Variants in SANBR observed in about 807,000 individuals in gnomAD.
SANBR encodes SANT and BTB domain regulator of CSR.
SANBR carries 77 observed loss-of-function variants against 101.8 expected under a neutral mutation model. The observed-to-expected ratio is 0.76, with a 90% CI of 0.63 to 0.91. The LOEUF is 0.91. Among genes scored for constraint, SANBR ranks in the 40% least tolerant of loss-of-function variants. The probability of loss-of-function intolerance (pLI) is 0.00; values close to 1 mark genes in which losing one functional copy is unlikely to be tolerated. For missense variants in SANBR, 875 were observed against 853.0 expected, an observed-to-expected ratio of 1.03 and a Z score of -0.32; for synonymous variants, 279 against 274.7, an observed-to-expected ratio of 1.02 and a Z score of -0.15.
At position 61,123,829 on chromosome 2, in the gene SANBR, C is replaced by T. The variant is rs1428089812; in HGVS notation, c.*1667C>T. On this transcript the variant is annotated 3_prime_UTR_variant, in exon 22 of 22. Transcript: ENST00000402291. ...GCTTTTGGCCAGGTGTAGTGGCTCA[C>T]GCCAGTAATCCCAGCACTTTGGGAG... The T allele has an allele frequency of 5.1e-6, 5 of 977,706 alleles. No homozygotes were observed. Among genetic ancestry groups the T allele is most frequent in the Middle Eastern group, 5.2e-4 (1 of 1,934 alleles). The allele number at this position is 977,706 out of a possible 1,614,324, so 60.6% of individuals were successfully genotyped here.
chr2:61,081,024 G>C (rs922295441), intron 6 of SANBR, among the ~76,000 whole-genome samples: 2 of 151,996 alleles, frequency 1.3e-5, no homozygotes, highest in African/African-American at 4.8e-5. Flanking sequence ...TTATCTTTCA[G>C]AATCTTTTAA....
At chr2:61,075,429 A>T (rs1157491721) in intron 5 of SANBR, among the ~76,000 whole-genome samples, 2 of 151,280 alleles carry the variant, frequency 1.3e-5, no homozygotes, top group Non-Finnish European at 3.0e-5. Flanking sequence ...GCTAATTTTT[A>T]AAATTTTTCT....
At position 61,122,379 on chromosome 2, in the gene SANBR, T is replaced by C. The variant is rs1416863209; in HGVS notation, c.*217T>C. The C allele has an allele frequency of 1.6e-6, 2 of 1,256,900 alleles. No homozygotes were observed. Among genetic ancestry groups the C allele is most frequent in the Admixed American group, 3.5e-5 (1 of 28,250 alleles). The allele number at this position is 1,256,900 out of a possible 1,614,324, so 77.9% of individuals were successfully genotyped here. A position where few individuals can be genotyped will look rare whatever the true frequency, so the allele number is the denominator to read the frequency against. ...TTTTAAATCTGATTTTCTTCTAATA[T>C]CATTCTAGGCTATGTAGAAAGCAAT... On this transcript the variant is annotated 3_prime_UTR_variant, in exon 22 of 22. Coordinates refer to ENST00000402291, the MANE Select transcript of SANBR (RefSeq NM_001129993.3).
intron 20 of SANBR, among the ~76,000 whole-genome samples, chr2:61,130,929 CAAAAAAAAA>C (rs59171411): frequency 1.3e-3 from 17 of 13,220 alleles, no homozygotes; most frequent in East Asian, 3.5e-3. Flanking sequence ...GACTCTGTCT[CAAAAAAAAA>C]AAAAAAAAAA....
intron 21 of SANBR, among the ~76,000 whole-genome samples, chr2:61,136,628 C>CA (rs879360258): frequency 0.038 from 4,441 of 115,436 alleles, 204 homozygotes; most frequent in African/African-American, 0.12. Flanking sequence ...GACTATGTCT[C>CA]AAAAAAAAAA....
intron 21 of SANBR, among the ~76,000 whole-genome samples, chr2:61,135,771 A>G (rs1333322861): frequency 1.3e-5 from 2 of 152,214 alleles, no homozygotes; most frequent in Non-Finnish European, 2.9e-5. Context: ...AATAGCTGAT[A>G]AGAGAAATTA....
rs35192103 is a variant in SANBR, at chr2:61,108,668, CT to C, written c.1644+331del. Among the ~76,000 whole-genome samples the C allele has an allele frequency of 1.2e-3, 180 of 145,524 alleles. 1 individual carries two copies. Among genetic ancestry groups the C allele is most frequent in the Middle Eastern group, 3.5e-3 (1 of 282 alleles). On this transcript the variant is annotated intron_variant, in intron 15 of 21. Coordinates refer to ENST00000402291, the MANE Select transcript of SANBR (RefSeq NM_001129993.3). Reference sequence around the variant, plus strand: ...TTTGATTGTTTGAGTGAAGGGTTGGCTTTTTTTTTTTTACCTGTTTGCCAGT... The same window carrying C: ...TTTGATTGTTTGAGTGAAGGGTTGGCTTTTTTTTTTTACCTGTTTGCCAGT...
At chr2:61,071,497 C>G in intron 3 of SANBR, 109 bp from the exon 4 acceptor site, 2 of 578,600 alleles carry the variant, frequency 3.5e-6, no homozygotes, top group Non-Finnish European at 5.5e-6. Flanking sequence ...TTGCAGTGAG[C>G]CAAGATCACA....
intron 16 of SANBR, among the ~76,000 whole-genome samples, chr2:61,115,586 A>G (rs1684039227): frequency 6.6e-6 from 1 of 152,162 alleles, no homozygotes. Flanking sequence ...CTGTAAGGAA[A>G]AATACACAGA....
At chr2:61,070,142 C>T (rs550882361) in intron 2 of SANBR, among the ~76,000 whole-genome samples, 200 bp from the exon 3 acceptor site, 183 of 152,286 alleles carry the variant, frequency 1.2e-3, no homozygotes, top group African/African-American at 4.3e-3. Context: ...TCTTTTTATA[C>T]ATCCATTTAT....
intron 16 of SANBR, 150 bp downstream of exon 16, chr2:61,109,446 C>T: frequency 2.3e-6 from 1 of 439,432 alleles, no homozygotes; most frequent in Non-Finnish European, 4.1e-6. Context: ...TCAAGATTTC[C>T]TAACCCGGGC....
rs778854995 is a variant in SANBR at position 61,122,113 on chromosome 2, T to G, written c.2121-13T>G. ...AAGCAATTCTGACCTCCTTTTCTGT[T>G]TAAAAAATCTAGGTCTAAAAGTCGT... On this transcript the variant is annotated splice_polypyrimidine_tract_variant and intron_variant, in intron 21 of 21. Coordinates refer to ENST00000402291, the MANE Select transcript of SANBR (RefSeq NM_001129993.3). 38 of 1,549,854 alleles carry G rather than the reference T, an allele frequency of 2.5e-5. No individual in the cohort carries two copies. The highest frequency in any genetic ancestry group is 3.2e-5 in the Non-Finnish European group (37 of 1,145,948).
intron 1 of SANBR, among the ~76,000 whole-genome samples, chr2:61,067,076 T>A (rs1286763976): frequency 6.6e-6 from 1 of 152,212 alleles, no homozygotes; most frequent in African/African-American, 2.4e-5. Context: ...TTCGAGATAA[T>A]TTATGTTTTA....
chr2:61,067,346 G>A (rs963554530), intron 1 of SANBR, among the ~76,000 whole-genome samples: 3 of 152,190 alleles, frequency 2.0e-5, no homozygotes, highest in African/African-American at 7.2e-5. Context: ...ACTTTTAAAT[G>A]AATCTTTTTG....
chr2:61,096,816 T>C (rs1683052931), intron 11 of SANBR, among the ~76,000 whole-genome samples: 1 of 152,186 alleles, frequency 6.6e-6, no homozygotes, highest in African/African-American at 2.4e-5. Context: ...TTCAAAGTTA[T>C]GTCATAATTT....
rs539168317 is a variant in SANBR at position 61,130,150 on chromosome 2, TAAGTA to T, written c.2029-3984_2029-3980del. Among the ~76,000 whole-genome samples, 56 of 152,230 alleles carry T rather than the reference TAAGTA, an allele frequency of 3.7e-4. No homozygotes were observed. In the South Asian group the frequency reaches 8.7e-3, roughly 24 times the overall value. On this transcript the variant is annotated intron_variant, in intron 20 of 21. Transcript: ENST00000295031. ...ATTCCTCTTTTACTTTCTTTTGCAT[TAAGTA>T]AATATTTTCTGATGTAACATTAATT...
intron 8 of SANBR, among the ~76,000 whole-genome samples, chr2:61,084,737 G>T (rs775794553): frequency 3.3e-5 from 5 of 152,128 alleles, no homozygotes; most frequent in Non-Finnish European, 7.4e-5. Flanking sequence ...GCCATTTTTG[G>T]TTGCTATGTG....
intron 20 of SANBR, among the ~76,000 whole-genome samples, chr2:61,131,711 C>T (rs1399955507): frequency 6.6e-6 from 1 of 152,154 alleles, no homozygotes; most frequent in Non-Finnish European, 1.5e-5. Context: ...TATGTGAAAA[C>T]TCAAGGGATT....
Position 61,088,426 on chromosome 2 carries a change from T to G in SANBR, c.1046T>G (p.Ile349Ser). Residue 349 changes from isoleucine (I) to serine (S), a missense_variant, in exon 10 of 22, where the codon ATC (isoleucine) becomes AGC (serine). Physicochemically the swap from Ile to Ser is moderately radical, Grantham distance 142. Coordinates refer to ENST00000402291, the MANE Select transcript of SANBR (RefSeq NM_001129993.3). ...AGAATTCCTTGCATTCCTGGAAAAA[T>G]CAATGTGGATCGACGTGGAAATATT... The part of the protein sequence containing the change: ...ERRIPCIPGK[I>S]NVDRRGNIVY... 3 of 1,609,562 alleles carry G rather than the reference T, an allele frequency of 1.9e-6. No homozygotes were observed. Among genetic ancestry groups the G allele is most frequent in the Non-Finnish European group, 2.5e-6 (3 of 1,178,106 alleles).
Sources: allele counts gnomAD v4.1 joint callset (sites outside exome capture counted in the v4.1 genomes callset), GRCh38; gene constraint gnomAD v4.1.1; transcripts MANE v1.5; gene names NCBI Gene and HGNC (gene_info 2026-07-23, HGNC 2026-07-21).